Variants in DLG2 observed in about 807,000 individuals in gnomAD.
The protein encoded by DLG2 is discs large MAGUK scaffold protein 2, also known as disks large homolog 2.
Under a neutral mutation model 132.5 loss-of-function variants are expected in DLG2, and 45 were observed. The ratio of observed to expected loss-of-function variants is 0.34; its 90% confidence interval spans 0.27 to 0.44. DLG2 has a LOEUF of 0.44. Among genes scored for constraint, DLG2 ranks in the 20% least tolerant of loss-of-function variants. The probability of loss-of-function intolerance (pLI) is 1.00; values close to 1 mark genes in which losing one functional copy is unlikely to be tolerated. For missense variants in DLG2, 1,045 were observed against 1,196.9 expected (o/e 0.87, Z 1.87); for synonymous variants, 424 against 419.6 (o/e 1.01, Z -0.13).
At position 84,976,876 on chromosome 11, in the gene DLG2, G is replaced by C. The variant is rs547573753; in HGVS notation, c.357+134785C>G. ...CTAAGTCTGAACCTCTGTAAATAAG[G>C]AAAGAAATCTGTGCTTTGGAACACA... On this transcript the variant is annotated intron_variant, in intron 6 of 27. Transcript: ENST00000376104. Among the ~76,000 whole-genome samples, 28 of 152,212 alleles carry C rather than the reference G, an allele frequency of 1.8e-4. 1 individual carries two copies. The East Asian group carries it at 2.5e-3, about 14-fold the overall frequency.
chr11:85,368,945 G>A (rs2084763148), intron 3 of DLG2, among the ~76,000 whole-genome samples: 1 of 152,156 alleles, frequency 6.6e-6, no homozygotes, highest in Admixed American at 6.5e-5. Context: ...GAGGTACTCT[G>A]GATTTGCAAG....
Position 84,107,856 on chromosome 11 carries a change from T to A in DLG2, c.625-8809A>T, listed in dbSNP as rs540213755. Among the ~76,000 whole-genome samples, 7 of 152,200 alleles carry A rather than the reference T, an allele frequency of 4.6e-5. No individual in the cohort carries two copies. The East Asian group carries it at 1.2e-3, about 25-fold the overall frequency. The stretch of plus-strand genomic sequence containing the variant: ...TTGAAAACTTAAGTAAAGCTGTAAG[T>A]GATTGGAACTGCAGCTTTGAGGCAA... On this transcript the variant is annotated intron_variant, in intron 9 of 27. Transcript: ENST00000376104.
chr11:84,814,415 T>A (rs1399679503), intron 6 of DLG2, among the ~76,000 whole-genome samples: 1 of 152,060 alleles, frequency 6.6e-6, no homozygotes, highest in Admixed American at 6.6e-5. Flanking sequence ...ACCAGAGTGA[T>A]CAATCCAAAA....
intron 6 of DLG2, among the ~76,000 whole-genome samples, chr11:84,778,848 G>C (rs887488865): frequency 2.6e-5 from 4 of 152,184 alleles, no homozygotes; most frequent in African/African-American, 9.7e-5. Flanking sequence ...AGCATGGCTA[G>C]AGAAAGCAGG....
chr11:85,594,846 T>C (rs1298162730), intron 3 of DLG2, among the ~76,000 whole-genome samples: 2 of 151,864 alleles, frequency 1.3e-5, no homozygotes, highest in Middle Eastern at 3.2e-3. Context: ...GGCCAGCAGA[T>C]CACAAGGTCA....
At chr11:85,179,422 A>G (rs934558394) in intron 4 of DLG2, among the ~76,000 whole-genome samples, 6 of 151,972 alleles carry the variant, frequency 3.9e-5, no homozygotes, top group African/African-American at 1.4e-4. Context: ...AATATGAAGT[A>G]TTGTATGGAT....
intron 6 of DLG2, among the ~76,000 whole-genome samples, chr11:85,040,689 T>C (rs1328045235): frequency 3.3e-5 from 5 of 151,952 alleles, no homozygotes; most frequent in South Asian, 2.1e-4. Flanking sequence ...AGCAAACATA[T>C]GGCCTTTCTC....
At chr11:85,432,811 C>T (rs2091266760) in intron 3 of DLG2, among the ~76,000 whole-genome samples, 1 of 152,038 alleles carries the variant, frequency 6.6e-6, no homozygotes, top group Non-Finnish European at 1.5e-5. Flanking sequence ...TCAGGAAATA[C>T]AGAGAAACTG....
chr11:83,544,930 A>G (rs1271585314), intron 19 of DLG2, among the ~76,000 whole-genome samples: 1 of 152,128 alleles, frequency 6.6e-6, no homozygotes, highest in African/African-American at 2.4e-5. Context: ...TAGCAGTGCC[A>G]AAGACTTTTA....
chr11:85,281,052 A>T (rs2078192591), intron 4 of DLG2, among the ~76,000 whole-genome samples: 1 of 151,988 alleles, frequency 6.6e-6, no homozygotes, highest in Non-Finnish European at 1.5e-5. Flanking sequence ...TTTTCCAGAA[A>T]CTTCATATAA....
intron 3 of DLG2, among the ~76,000 whole-genome samples, chr11:85,526,445 T>C (rs1425846972): frequency 1.3e-5 from 2 of 151,940 alleles, no homozygotes; most frequent in Non-Finnish European, 2.9e-5. Flanking sequence ...TATCCAAATA[T>C]CTTTCAAAAA....
chr11:85,588,912 A>G (rs1170196314), intron 3 of DLG2, among the ~76,000 whole-genome samples: 35 of 152,078 alleles, frequency 2.3e-4, no homozygotes. Flanking sequence ...GCTTGCTGCA[A>G]GCCAGACTGC....
chr11:85,033,386 C>CAAAAAAAAAAAAA (rs750024023), intron 6 of DLG2, among the ~76,000 whole-genome samples: 1 of 80,878 alleles, frequency 1.2e-5, no homozygotes, highest in Non-Finnish European at 2.6e-5. Context: ...TATATCCTAG[C>CAAAAAAAAAAAAA]AAAAAAAAAA....
chr11:85,121,857 T>C (rs532184660), intron 5 of DLG2, among the ~76,000 whole-genome samples: 1 of 152,328 alleles, frequency 6.6e-6, no homozygotes, highest in East Asian at 1.9e-4. Flanking sequence ...CATATGTGTG[T>C]ACATGTATGT....
intron 7 of DLG2, among the ~76,000 whole-genome samples, chr11:84,421,428 CT>C (rs1194249783): frequency 6.6e-6 from 1 of 152,142 alleles, no homozygotes; most frequent in Admixed American, 6.5e-5. Flanking sequence ...TTGAAACTCT[CT>C]GGGTAGAGTG....
intron 18 of DLG2, among the ~76,000 whole-genome samples, chr11:83,785,995 G>A (rs1487673133): frequency 1.3e-5 from 2 of 152,078 alleles, no homozygotes; most frequent in Non-Finnish European, 2.9e-5. Flanking sequence ...TTCCAAAGGA[G>A]CAACCTATAT....
At position 84,251,247 on chromosome 11, in the gene DLG2, T is replaced by G. The variant is rs374843670; in HGVS notation, c.564A>C (p.Thr188=). ...PIIVNTDTLD[T]IPYVNGTEIE... is the part of the protein sequence containing the mutation. ...TGAAAAAGTTACTTACATAAGGAAT[T>G]GTGTCCAAAGTATCTGTGTTGACAA... The change falls in exon 8 of 28, where the codon ACA becomes ACC. Residue 188 remains threonine, a synonymous_variant. Coordinates refer to ENST00000376104, the MANE Select transcript of DLG2 (RefSeq NM_001142699.3). 1.5e-5 allele frequency: 24 copies of G among 1,583,938 alleles called. No individual in the cohort carries two copies. In the African/African-American group the frequency reaches 3.3e-4, roughly 22 times the overall value.
intron 9 of DLG2, among the ~76,000 whole-genome samples, chr11:84,108,410 G>T (rs1440771294): frequency 1.3e-5 from 2 of 152,078 alleles, no homozygotes; most frequent in African/African-American, 4.8e-5. Context: ...CAGAAAAAAT[G>T]GCTAACATTT....
intron 17 of DLG2, among the ~76,000 whole-genome samples, chr11:83,823,198 G>A (rs1251504627): frequency 6.6e-6 from 1 of 152,084 alleles, no homozygotes. Flanking sequence ...TTTCAGGAGG[G>A]ATGATCAAGT....
Sources: gnomAD v4.1 joint callset for allele counts (sites outside exome capture counted in the v4.1 genomes callset) on GRCh38, gnomAD v4.1.1 for gene constraint, MANE v1.5 for transcripts, NCBI Gene and HGNC (gene_info 2026-07-23, HGNC 2026-07-21) for gene names.